The following CCDC32 variants were observed in gnomAD, a reference collection of about 807,000 sequenced individuals.
CCDC32 encodes the protein coiled-coil domain containing 32, also known as coiled-coil domain-containing protein 32.
CCDC32 carries 9 observed loss-of-function variants against 20.1 expected under a neutral mutation model. The ratio of observed to expected loss-of-function variants is 0.45; its 90% CI spans 0.27 to 0.78. CCDC32 has a LOEUF of 0.78. CCDC32 is among the 30% of genes least tolerant of loss of function. The pLI, the probability that CCDC32 is intolerant of heterozygous loss-of-function variation, is 0.16. For missense variants in CCDC32, 204 were observed against 215.5 expected (o/e 0.95, Z 0.33); for synonymous variants, 63 against 79.0 (o/e 0.80, Z 1.07).
At chr15:40,530,891 G>A (rs1888854949), downstream of CCDC32, among the ~76,000 whole-genome samples, 1 of 151,260 alleles carries the variant, frequency 6.6e-6, no homozygotes, top group South Asian at 2.1e-4. Context: ...TGTATTTTTT[G>A]TAGAAACAGG....
At chr15:40,552,348 G>T (rs938100366), downstream of CCDC32, among the ~76,000 whole-genome samples, 1 of 151,708 alleles carries the variant, frequency 6.6e-6, no homozygotes, top group Non-Finnish European at 1.5e-5. Context: ...GGGCGTGGTG[G>T]TGCATGCCTG....
rs1889995859 is a variant in CCDC32 at position 40,553,334 on chromosome 15, G to A, written c.*637C>T. On this transcript the variant is annotated 3_prime_UTR_variant, in exon 4 of 4. Coordinates refer to ENST00000416810, the MANE Select transcript of CCDC32 (RefSeq NM_001080792.4). ...ATGAAGTAAAAAATACATATACACA[G>A]ACATAAACACCCACATTTTCACACT... 2.0e-6 allele frequency: 2 copies of A among 985,222 alleles called. No homozygotes were observed. The highest frequency in any genetic ancestry group is 2.4e-6 in the Non-Finnish European group (2 of 829,944). 61.0% of individuals were successfully genotyped at this position (985,222 alleles called of 1,614,324 possible).
downstream of CCDC32, chr15:40,535,580 A>C: frequency 3.0e-6 from 3 of 984,482 alleles, no homozygotes; most frequent in Non-Finnish European, 2.4e-6. Flanking sequence ...GTCTTCAGGC[A>C]CTTCATGGTT....
At chr15:40,525,486 C>G (rs998928864), downstream of CCDC32, among the ~76,000 whole-genome samples, 1 of 152,134 alleles carries the variant, frequency 6.6e-6, no homozygotes, top group African/African-American at 2.4e-5. Flanking sequence ...CTAAAGTCTC[C>G]CCAAACTATG....
intron 3 of CCDC32, among the ~76,000 whole-genome samples, chr15:40,555,962 A>G (rs1890204953): frequency 6.6e-6 from 1 of 152,260 alleles, no homozygotes; most frequent in Non-Finnish European, 1.5e-5. Context: ...CAACACTTCT[A>G]TAGTGCTTAC....
chr15:40,538,929 G>T, downstream of CCDC32: 1 of 394,760 alleles, frequency 2.5e-6, no homozygotes, highest in South Asian at 3.1e-5. Context: ...CCAACTGGGG[G>T]CCTGAGGTCT....
intron 2 of CCDC32, among the ~76,000 whole-genome samples, chr15:40,559,433 C>T (rs1273601408): frequency 6.6e-6 from 1 of 152,124 alleles, no homozygotes; most frequent in East Asian, 1.9e-4. Flanking sequence ...CACCAACAAG[C>T]CAAGGGATCT....
downstream of CCDC32, among the ~76,000 whole-genome samples, chr15:40,552,631 C>G (rs988338356): frequency 2.6e-5 from 4 of 151,618 alleles, no homozygotes; most frequent in African/African-American, 9.7e-5. Context: ...AAACAATAGC[C>G]GGGTGTAGTG....
At position 40,557,482 on chromosome 15, in the gene CCDC32, C is replaced by T. The variant is rs1312999446; in HGVS notation, c.245-110G>A. 4 of 1,049,824 alleles carry T rather than the reference C, an allele frequency of 3.8e-6. No individual in the cohort carries two copies. The African/African-American group carries it at 6.4e-5, about 17-fold the overall frequency. 65.0% of individuals were successfully genotyped at this position (1,049,824 alleles called of 1,614,324 possible). ...AAAATCTCTCACCGATGAGGACATCCACACTCCCTGCCAAAGAGGTCATTT... is the reference window on the plus strand; with the variant it reads ...AAAATCTCTCACCGATGAGGACATCTACACTCCCTGCCAAAGAGGTCATTT... On this transcript the variant is annotated intron_variant, in intron 2 of 3. Coordinates refer to ENST00000416810, the MANE Select transcript of CCDC32 (RefSeq NM_001080792.4).
At chr15:40,539,420 TAACA>T (rs1246018701) in intron 3 of CCDC32, 2 of 1,362,034 alleles carry the variant, frequency 1.5e-6, no homozygotes, top group African/African-American at 1.4e-5. Flanking sequence ...AGGCACACAC[TAACA>T]GAGTCAAAGA....
the CCDC32 span, among the ~76,000 whole-genome samples, chr15:40,523,404 T>C: frequency 1.3e-5 from 2 of 150,582 alleles, 1 homozygote; most frequent in African/African-American, 4.9e-5. Context: ...CTCAGGAGGC[T>C]GAGGCAGGAG....
chr15:40,555,473 G>T (rs771417217), intron 3 of CCDC32, among the ~76,000 whole-genome samples: 3 of 152,156 alleles, frequency 2.0e-5, no homozygotes, highest in Non-Finnish European at 2.9e-5. Context: ...CAGAATATAA[G>T]TAAATACCAA....
At chr15:40,535,409 A>G, downstream of CCDC32, 1 of 1,003,196 alleles carries the variant, frequency 1.0e-6, no homozygotes, top group Non-Finnish European at 1.2e-6. Context: ...AACCCTTTGC[A>G]GTTCAAAAAG....
intron 3 of CCDC32, among the ~76,000 whole-genome samples, chr15:40,543,687 T>C (rs1236903820): frequency 1.3e-5 from 2 of 152,162 alleles, no homozygotes; most frequent in East Asian, 3.9e-4. Flanking sequence ...ACTCCTAACC[T>C]CGTGATCCAC....
In CCDC32 at chr15:40,562,437, G is replaced by A. The variant is rs144901300; in HGVS notation, c.244+335C>T. On this transcript the variant is annotated intron_variant, in intron 2 of 3. Transcript: ENST00000416810. ...CTACTAAAAATACAAAAAATTAGCC[G>A]GGCATTGTGCCAGGCGCCTGTAATC... Among the ~76,000 whole-genome samples the A allele has an allele frequency of 1.4e-3, 215 of 152,054 alleles. 2 individuals carry two copies. The East Asian group carries it at 0.026, about 18-fold the overall frequency.
intron 2 of CCDC32, chr15:40,557,892 A>AAGAG (rs1437799608): frequency 8.5e-5 from 13 of 152,384 alleles, no homozygotes; most frequent in African/African-American, 2.9e-4. Context: ...AGAACTCAAT[A>AAGAG]AGAGACCTTT....
downstream of CCDC32, among the ~76,000 whole-genome samples, chr15:40,552,219 T>C (rs1429506650): frequency 6.6e-6 from 1 of 151,586 alleles, no homozygotes; most frequent in Admixed American, 6.6e-5. Flanking sequence ...CGGTGGCTCA[T>C]GCGTGTAATC....
rs372490207 is a variant in CCDC32, at chr15:40,558,976, G to C, written c.245-1604C>G. Among the ~76,000 whole-genome samples the C allele has an allele frequency of 2.4e-4, 36 of 151,940 alleles. No homozygotes were observed. The South Asian group carries it at 7.5e-3, about 32-fold the overall frequency. On this transcript the variant is annotated intron_variant, in intron 2 of 3. Coordinates refer to ENST00000416810, the MANE Select transcript of CCDC32 (RefSeq NM_001080792.4). The stretch of plus-strand genomic sequence containing the variant: ...ACACCATCACACGTGGCTAATTTTT[G>C]TATTTTTAGTAGAAACAGGATTTTG...
chr15:40,524,146 C>CTTTTTTTTT (rs66753325), downstream of CCDC32, among the ~76,000 whole-genome samples: 2 of 89,138 alleles, frequency 2.2e-5, no homozygotes, highest in Non-Finnish European at 2.1e-5. Flanking sequence ...CATGCATAAT[C>CTTTTTTTTT]TTTTTTTTTT....
Sources: allele counts gnomAD v4.1 joint callset (sites outside exome capture counted in the v4.1 genomes callset), GRCh38; gene constraint gnomAD v4.1.1; transcripts MANE v1.5; gene names NCBI Gene and HGNC (gene_info 2026-07-23, HGNC 2026-07-21).